CBL: variants seen among roughly 807,000 people sequenced by gnomAD.
CBL encodes E3 ubiquitin-protein ligase CBL.
A neutral mutation model predicts 96.9 loss-of-function variants in CBL; 45 were observed. The observed-to-expected ratio is 0.46, with a 90% confidence interval of 0.37 to 0.60. CBL has a LOEUF of 0.60. Among genes scored for constraint, CBL ranks in the 20% least tolerant of loss-of-function variants. CBL has a pLI of 0.00. For missense variants in CBL, 1,024 were observed against 1,143.5 expected (o/e 0.90, Z 1.51); for synonymous variants, 420 against 426.8 (o/e 0.98, Z 0.20).
intron 1 of CBL, among the ~76,000 whole-genome samples, chr11:119,215,033 G>A (rs1479481629): frequency 6.6e-6 from 1 of 151,868 alleles, no homozygotes; most frequent in Non-Finnish European, 1.5e-5. Context: ...TCACCCAAAG[G>A]ATGTAAGATT....
intron 4 of CBL, 66 bp from the exon 5 acceptor site, chr11:119,274,765 TC>T (rs2135300209): frequency 1.3e-6 from 2 of 1,494,688 alleles, no homozygotes; most frequent in Admixed American, 1.8e-5. Flanking sequence ...TTTTTTTTTT[TC>T]TCATTGCCCT....
chr11:119,251,518 T>A (rs1054756317), intron 2 of CBL, among the ~76,000 whole-genome samples: 1 of 152,368 alleles, frequency 6.6e-6, no homozygotes, highest in African/African-American at 2.4e-5. Flanking sequence ...AAACATCATA[T>A]AAAGTAGTAA....
At chr11:119,260,231 T>C (rs1331350249) in intron 2 of CBL, among the ~76,000 whole-genome samples, 4 of 152,114 alleles carry the variant, frequency 2.6e-5, no homozygotes, top group South Asian at 4.2e-4. Flanking sequence ...TTCTTTTTTT[T>C]TTTTTCTTTT....
intron 2 of CBL, among the ~76,000 whole-genome samples, chr11:119,268,783 C>G (rs181845106): frequency 5.8e-4 from 89 of 152,238 alleles, no homozygotes; most frequent in African/African-American, 2.0e-3. Context: ...ACTGCAAAAC[C>G]CAAGGCAAGA....
At chr11:119,254,607 C>CT (rs897083613) in intron 2 of CBL, among the ~76,000 whole-genome samples, 136 of 145,592 alleles carry the variant, frequency 9.3e-4, no homozygotes, top group African/African-American at 2.0e-3. Context: ...CTTTTTTTAT[C>CT]TTTTTTTTTT....
chr11:119,298,383 T>C lies in CBL; in HGVS notation c.2277T>C (p.His759=), dbSNP rs956529872. 1 of 1,614,220 alleles carries C rather than the reference T, an allele frequency of 6.2e-7. No individual in the cohort carries two copies. ...TFGEGNLAAA[H]ANTGPEESEN... Reference sequence around the variant, plus strand: ...GTGAAGGGAATTTGGCCGCAGCCCATGCCAACACTGGTCCCGAGGAGTCAG... The same window carrying C: ...GTGAAGGGAATTTGGCCGCAGCCCACGCCAACACTGGTCCCGAGGAGTCAG... The change falls in exon 15 of 16, where the codon CAT becomes CAC. Residue 759 remains histidine, a synonymous_variant. Coordinates refer to ENST00000264033, the MANE Select transcript of CBL (RefSeq NM_005188.4).
At chr11:119,286,710 G>T (rs140029678) in intron 11 of CBL, among the ~76,000 whole-genome samples, 2 of 152,244 alleles carry the variant, frequency 1.3e-5, no homozygotes, top group Non-Finnish European at 2.9e-5. Flanking sequence ...GCATTTGAAG[G>T]GGGTAGGTTA....
At chr11:119,211,271 C>T (rs1305774470) in intron 1 of CBL, among the ~76,000 whole-genome samples, 1 of 151,770 alleles carries the variant, frequency 6.6e-6, no homozygotes, top group African/African-American at 2.4e-5. Context: ...ACTTGAGAGG[C>T]TGAGGCAGGA....
At chr11:119,268,962 A>G (rs1949823337) in intron 2 of CBL, among the ~76,000 whole-genome samples, 1 of 152,164 alleles carries the variant, frequency 6.6e-6, no homozygotes, top group South Asian at 2.1e-4. Flanking sequence ...TAGTTTAGGG[A>G]CTACTACTTG....
intron 12 of CBL, 71 bp downstream of exon 12, chr11:119,288,017 A>T (rs1949997647): frequency 3.1e-6 from 3 of 961,980 alleles, no homozygotes; most frequent in Non-Finnish European, 5.1e-6. Context: ...CAGAAAATTG[A>T]GAAAACCCAG....
At chr11:119,240,907 T>A (rs914896643) in intron 2 of CBL, among the ~76,000 whole-genome samples, 2 of 152,130 alleles carry the variant, frequency 1.3e-5, no homozygotes, top group South Asian at 4.2e-4. Flanking sequence ...ACCCCGTCTC[T>A]ACTAAAAATA....
rs148228943 is a variant in CBL at position 119,241,598 on chromosome 11, A to G, written c.443+8903A>G. ...GAACAGTATTTAACAAGCGAGACAA[A>G]AGTGTTTGTGCAGCTATAATCTTTT... is the stretch of plus-strand genomic sequence containing the variant. On this transcript the variant is annotated intron_variant, in intron 2 of 15. Coordinates refer to ENST00000264033, the MANE Select transcript of CBL (RefSeq NM_005188.4). 1.6e-4 allele frequency among the ~76,000 whole-genome samples: 25 copies of G among 152,278 alleles called. No individual in the cohort carries two copies. In the East Asian group the frequency reaches 4.8e-3, roughly 29 times the overall value.
In CBL at chr11:119,226,556, C is replaced by T. The variant is rs140655875; in HGVS notation, c.196-5892C>T. Among the ~76,000 whole-genome samples the T allele has an allele frequency of 6.6e-5, 10 of 152,056 alleles. No homozygotes were observed. The East Asian group carries it at 1.9e-3, about 29-fold the overall frequency. The stretch of plus-strand genomic sequence containing the variant: ...CACTGCAACCTCCTCCTTCTGGGTT[C>T]AAGCAATTCTCTTGCCTCAGCCTCC... On this transcript the variant is annotated intron_variant, in intron 1 of 15. Coordinates refer to ENST00000264033, the MANE Select transcript of CBL (RefSeq NM_005188.4).
chr11:119,299,440 T>C, intron 15 of CBL, 55 bp from the exon 16 acceptor site: 1 of 1,499,660 alleles, frequency 6.7e-7, no homozygotes, highest in Non-Finnish European at 9.3e-7. Context: ...TTATTGCTGT[T>C]GTTAAATGAG....
intron 12 of CBL, among the ~76,000 whole-genome samples, chr11:119,293,888 C>G (rs1789927609): frequency 6.6e-6 from 1 of 152,136 alleles, no homozygotes; most frequent in Non-Finnish European, 1.5e-5. Flanking sequence ...ACATGTGAAA[C>G]TGGGGGACAT....
At chr11:119,293,054 T>C (rs1414922361) in intron 12 of CBL, among the ~76,000 whole-genome samples, 3 of 152,180 alleles carry the variant, frequency 2.0e-5, no homozygotes, top group Admixed American at 1.3e-4. Flanking sequence ...TGTGTTGTAT[T>C]TTTAAGTTCT....
intron 2 of CBL, among the ~76,000 whole-genome samples, chr11:119,237,418 G>A (rs1303345592): frequency 6.6e-6 from 1 of 152,072 alleles, no homozygotes; most frequent in African/African-American, 2.4e-5. Flanking sequence ...TTTAATTATG[G>A]TGAAGACCAA....
chr11:119,222,218 A>G (rs1185632957), intron 1 of CBL, among the ~76,000 whole-genome samples: 1 of 152,238 alleles, frequency 6.6e-6, no homozygotes, highest in Admixed American at 6.5e-5. Context: ...CTGCCTAATT[A>G]GAAACACAGA....
At chr11:119,272,390 G>C (rs1949856202) in intron 3 of CBL, among the ~76,000 whole-genome samples, 1 of 152,202 alleles carries the variant, frequency 6.6e-6, no homozygotes, top group Non-Finnish European at 1.5e-5. Flanking sequence ...AAAGTGCTGG[G>C]ATTACAGGCG....
Sources: gnomAD v4.1 joint callset for allele counts (sites outside exome capture counted in the v4.1 genomes callset) on GRCh38, gnomAD v4.1.1 for gene constraint, MANE v1.5 for transcripts, NCBI Gene and HGNC (gene_info 2026-07-23, HGNC 2026-07-21) for gene names.